Variants in NAA16 observed in about 807,000 individuals in gnomAD.
NAA16 encodes NARG1-like protein.
In NAA16, 97 loss-of-function variants were observed where a neutral mutation model predicts 110.3. The ratio of observed to expected loss-of-function variants is 0.88; its 90% confidence interval spans 0.75 to 1.04. The LOEUF is 1.04. Ranked by LOEUF, NAA16 falls within the 50% of genes least tolerant of loss-of-function variation. NAA16 has a pLI of 0.00. For missense variants in NAA16, 1,017 were observed against 1,005.1 expected (o/e 1.01, Z -0.16); for synonymous variants, 372 against 330.6 (o/e 1.13, Z -1.36).
At position 41,311,282 on chromosome 13, in the gene NAA16, C is replaced by G; in HGVS notation, c.-247C>G. On this transcript the variant is annotated 5_prime_UTR_variant, in exon 1 of 20. Transcript: ENST00000379406. ...CTGCCATCTTGCAGTGCGCGGGAAC[C>G]GCCGCCGCCGCCGCTGGCCAAAAAG... The G allele has an allele frequency of 4.1e-6, 2 of 484,298 alleles. No homozygotes were observed. The allele number at this position is 484,298 out of a possible 1,614,324, so 30.0% of individuals were successfully genotyped here.
chr13:41,362,836 A>G, intron 13 of NAA16: 2 of 1,288,954 alleles, frequency 1.6e-6, no homozygotes, highest in South Asian at 1.2e-5. Context: ...CACTGTTCCC[A>G]TCCTGACGCA....
At chr13:41,369,325 T>C in intron 15 of NAA16, 42 bp downstream of exon 15, 1 of 1,472,522 alleles carries the variant, frequency 6.8e-7, no homozygotes, top group Non-Finnish European at 9.0e-7. Flanking sequence ...GTAAAATTTA[T>C]GCTATTTGGT....
intron 12 of NAA16, among the ~76,000 whole-genome samples, chr13:41,359,609 TG>T (rs1209969974): frequency 6.6e-6 from 1 of 152,148 alleles, no homozygotes; most frequent in African/African-American, 2.4e-5. Flanking sequence ...GAAAATATAT[TG>T]CTGGGACAAT....
intron 9 of NAA16, among the ~76,000 whole-genome samples, chr13:41,345,446 ATG>A (rs1458378883): frequency 1.3e-5 from 2 of 152,022 alleles, no homozygotes; most frequent in African/African-American, 4.8e-5. Flanking sequence ...ATTATCTTTT[ATG>A]TGCTTATTGG....
intron 6 of NAA16, among the ~76,000 whole-genome samples, chr13:41,328,451 AGAT>A: frequency 6.6e-6 from 1 of 152,142 alleles, no homozygotes; most frequent in Admixed American, 6.5e-5. Flanking sequence ...AAAGAGTATA[AGAT>A]GTGTGTAATG....
intron 10 of NAA16, among the ~76,000 whole-genome samples, chr13:41,357,654 G>A (rs2043021023): frequency 6.6e-6 from 1 of 152,154 alleles, no homozygotes; most frequent in African/African-American, 2.4e-5. Context: ...AATCCATTTT[G>A]AGAGCTTGAT....
chr13:41,368,782 A>G (rs907516280), intron 14 of NAA16, among the ~76,000 whole-genome samples: 1 of 152,208 alleles, frequency 6.6e-6, no homozygotes, highest in African/African-American at 2.4e-5. Context: ...TATTTTAGGC[A>G]TACCTATAGA....
At chr13:41,344,498 T>C (rs2042632659) in intron 9 of NAA16, among the ~76,000 whole-genome samples, 1 of 152,194 alleles carries the variant, frequency 6.6e-6, no homozygotes, top group East Asian at 1.9e-4. Flanking sequence ...TGATTGTCGC[T>C]GCAGTGAGGT....
intron 1 of NAA16, among the ~76,000 whole-genome samples, chr13:41,311,932 G>A (rs2139344506): frequency 6.6e-6 from 1 of 152,330 alleles, no homozygotes; most frequent in Non-Finnish European, 1.5e-5. Context: ...AGCCCCTCAG[G>A]GATCCTCCCC....
At chr13:41,336,491 T>C (rs1225787643) in intron 8 of NAA16, among the ~76,000 whole-genome samples, 159 bp from the exon 9 acceptor site, 1 of 152,264 alleles carries the variant, frequency 6.6e-6, no homozygotes, top group Non-Finnish European at 1.5e-5. Context: ...AAATTCAGAA[T>C]GGATAGTTGA....
chr13:41,365,578 T>G (rs1257843459), intron 13 of NAA16, among the ~76,000 whole-genome samples: 1 of 152,228 alleles, frequency 6.6e-6, no homozygotes, highest in African/African-American at 2.4e-5. Context: ...TTTAGCCATA[T>G]TCTGTCTATC....
intron 1 of NAA16, among the ~76,000 whole-genome samples, chr13:41,314,472 A>G (rs1025553304): frequency 1.4e-5 from 2 of 140,642 alleles, no homozygotes; most frequent in East Asian, 2.0e-4. Context: ...TTTCTCTCCT[A>G]TCCTTATCGC....
In NAA16 at chr13:41,323,094, G is replaced by A. The variant is rs779070304; in HGVS notation, c.441G>A (p.Gln147=). 5 of 1,614,074 alleles carry A rather than the reference G, an allele frequency of 3.1e-6. No individual in the cohort carries two copies. In the Admixed American group the frequency reaches 6.7e-5, roughly 22 times the overall value. ...AGCTTCTTCAGTTGCGCCCCACACAGCGTGCCTCCTGGATTGGATATGCTA... is the reference window on the plus strand; with the variant it reads ...AGCTTCTTCAGTTGCGCCCCACACAACGTGCCTCCTGGATTGGATATGCTA... ...RYQLLQLRPT[Q]RASWIGYAIA... is the part of the protein sequence containing the mutation. The change falls in exon 5 of 20, where the codon CAG becomes CAA. Residue 147 remains glutamine (Q), a synonymous_variant. Transcript: ENST00000379406.
intron 9 of NAA16, among the ~76,000 whole-genome samples, chr13:41,344,777 A>G (rs1450365227): frequency 6.6e-6 from 1 of 152,208 alleles, no homozygotes; most frequent in African/African-American, 2.4e-5. Flanking sequence ...TTTACCTATT[A>G]AAAGTATACA....
chr13:41,348,497 C>A (rs1191407190), intron 9 of NAA16, among the ~76,000 whole-genome samples: 1 of 152,086 alleles, frequency 6.6e-6, no homozygotes, highest in Non-Finnish European at 1.5e-5. Flanking sequence ...TGGGTGAAAG[C>A]CTACTTGGTC....
At chr13:41,372,869 ATT>A in intron 17 of NAA16, 39 bp downstream of exon 17, 1 of 1,465,716 alleles carries the variant, frequency 6.8e-7, no homozygotes, top group East Asian at 2.4e-5. Flanking sequence ...TTTGTGAATT[ATT>A]TCTAAGGGGA....
intron 5 of NAA16, among the ~76,000 whole-genome samples, chr13:41,324,670 G>A (rs200806068): frequency 3.3e-5 from 5 of 151,376 alleles, no homozygotes; most frequent in East Asian, 3.9e-4. Flanking sequence ...CACCGTGCCC[G>A]GCCAATTTCT....
intron 15 of NAA16, among the ~76,000 whole-genome samples, chr13:41,371,720 T>C (rs1358667477): frequency 6.6e-6 from 1 of 152,202 alleles, no homozygotes; most frequent in Non-Finnish European, 1.5e-5. Context: ...CTATTAGTAG[T>C]GAAGTTGGGA....
At chr13:41,325,224 G>C (rs2042060024) in intron 5 of NAA16, among the ~76,000 whole-genome samples, 1 of 151,860 alleles carries the variant, frequency 6.6e-6, no homozygotes, top group African/African-American at 2.4e-5. Context: ...CAAAGACCTG[G>C]GGTTACAGAT....
Sources: allele counts gnomAD v4.1 joint callset (sites outside exome capture counted in the v4.1 genomes callset), GRCh38; gene constraint gnomAD v4.1.1; transcripts MANE v1.5; gene names NCBI Gene and HGNC (gene_info 2026-07-23, HGNC 2026-07-21).